The following TNKS variants were observed in gnomAD, a reference collection of about 807,000 sequenced individuals.
TNKS encodes tankyrase, also known as poly [ADP-ribose] polymerase tankyrase-1.
TNKS carries 72 observed loss-of-function variants against 135.8 expected under a neutral mutation model. The observed-to-expected ratio is 0.53, with a 90% CI of 0.44 to 0.64. TNKS has a LOEUF of 0.64. Ranked by LOEUF, TNKS falls within the 30% of genes least tolerant of loss-of-function variation. The pLI is 0.00. For missense variants in TNKS, 1,769 were observed against 1,674.0 expected (o/e 1.06, Z -0.99); for synonymous variants, 849 against 649.3 (o/e 1.31, Z -4.68).
In TNKS at chr8:9,780,088, A is replaced by T. The variant is rs762771200; in HGVS notation, c.*3352A>T. ...TATTGTATCCGTTTTACAAAAAATA[A>T]AATTTTGATATATGCCGGAGAACGG... On this transcript the variant is annotated 3_prime_UTR_variant, in exon 27 of 27. Transcript: ENST00000310430. 14 of 152,228 alleles carry T rather than the reference A, an allele frequency of 9.2e-5. No homozygotes were observed. The highest frequency in any genetic ancestry group is 1.9e-4 in the Non-Finnish European group (13 of 68,052). The allele number at this position is 152,228 out of a possible 1,614,324, so 9.4% of individuals were successfully genotyped here.
chr8:9,682,644 C>T (rs927126976), intron 5 of TNKS, among the ~76,000 whole-genome samples: 1 of 151,952 alleles, frequency 6.6e-6, no homozygotes, highest in African/African-American at 2.4e-5. Context: ...GCACCAGGAC[C>T]AAGGCTGGCA....
chr8:9,639,648 T>C (rs1800650085), intron 3 of TNKS, among the ~76,000 whole-genome samples: 1 of 152,168 alleles, frequency 6.6e-6, no homozygotes, highest in Admixed American at 6.5e-5. Context: ...CTTTTGTATT[T>C]ATCCCTGACT....
chr8:9,581,302 A>G (rs1199845236), intron 2 of TNKS, among the ~76,000 whole-genome samples: 1 of 152,204 alleles, frequency 6.6e-6, no homozygotes, highest in Non-Finnish European at 1.5e-5. Flanking sequence ...GCCTGATATA[A>G]AACTATTTTT....
intron 25 of TNKS, among the ~76,000 whole-genome samples, chr8:9,767,268 T>C (rs928259211): frequency 3.3e-5 from 5 of 152,132 alleles, no homozygotes; most frequent in African/African-American, 9.7e-5. Context: ...AACTCAAAAA[T>C]TGGAGAGAAT....
At chr8:9,678,539 G>C (rs960998380) in intron 3 of TNKS, among the ~76,000 whole-genome samples, 5 of 152,120 alleles carry the variant, frequency 3.3e-5, no homozygotes, top group African/African-American at 7.2e-5. Context: ...TCTTTTAAGA[G>C]AAAATAGGTA....
At chr8:9,607,620 G>A (rs911320719) in intron 2 of TNKS, among the ~76,000 whole-genome samples, 13 of 151,976 alleles carry the variant, frequency 8.6e-5, no homozygotes, top group African/African-American at 2.7e-4. Context: ...TCCATTTGTC[G>A]TATCAAAAAT....
chr8:9,692,362 G>A (rs1803316457), intron 5 of TNKS, among the ~76,000 whole-genome samples: 1 of 152,168 alleles, frequency 6.6e-6, no homozygotes, highest in South Asian at 2.1e-4. Context: ...TCGCTGTAAA[G>A]GTTCTGTGTC....
At chr8:9,642,410 T>C (rs1436573448) in intron 3 of TNKS, among the ~76,000 whole-genome samples, 3 of 146,586 alleles carry the variant, frequency 2.0e-5, no homozygotes, top group African/African-American at 7.6e-5. Context: ...AACAGTTTTC[T>C]ACTTTTGTCA....
intron 11 of TNKS, among the ~76,000 whole-genome samples, chr8:9,714,493 AT>A (rs1276283169): frequency 6.6e-6 from 1 of 152,182 alleles, no homozygotes; most frequent in East Asian, 1.9e-4. Context: ...TCTAAATTTT[AT>A]AAGACACATA....
intron 1 of TNKS, among the ~76,000 whole-genome samples, chr8:9,576,248 G>T (rs1447386540): frequency 6.6e-6 from 1 of 152,152 alleles, no homozygotes; most frequent in Admixed American, 6.5e-5. Flanking sequence ...CTGTTGGCCA[G>T]TGTATTAGTC....
At chr8:9,667,030 G>C (rs971472130) in intron 3 of TNKS, among the ~76,000 whole-genome samples, 1 of 151,966 alleles carries the variant, frequency 6.6e-6, no homozygotes, top group Non-Finnish European at 1.5e-5. Context: ...TGAGTGTTCC[G>C]ATTTTTATGG....
chr8:9,575,861 C>G (rs1797926588), intron 1 of TNKS, among the ~76,000 whole-genome samples: 1 of 152,140 alleles, frequency 6.6e-6, no homozygotes, highest in South Asian at 2.1e-4. Context: ...ATTTATTTTC[C>G]TGCTTGATAA....
intron 11 of TNKS, among the ~76,000 whole-genome samples, chr8:9,718,357 C>G (rs1357634027): frequency 1.3e-5 from 2 of 152,056 alleles, no homozygotes; most frequent in African/African-American, 4.8e-5. Flanking sequence ...TGATTAATTA[C>G]CAAATGAGTG....
In TNKS at chr8:9,672,708, ACAC is replaced by A. The variant is rs1328461767; in HGVS notation, c.995-7242_995-7240del. 3.9e-3 allele frequency among the ~76,000 whole-genome samples: 465 copies of A among 120,202 alleles called. 1 individual carries two copies. Among genetic ancestry groups the A allele is most frequent in the African/African-American group, 0.013 (425 of 33,154 alleles). 78.9% of individuals were successfully genotyped at this position (120,202 alleles called of 152,430 possible). A position where few individuals can be genotyped will look rare whatever the true frequency, so the allele number is the denominator to read the frequency against. On this transcript the variant is annotated intron_variant, in intron 3 of 26. Transcript: ENST00000310430. ...CACACACACACACACACACACACAC[ACAC>A]AAAAAAAAAAAAACAAACTAATATC...
intron 13 of TNKS, 94 bp downstream of exon 13, chr8:9,726,814 C>T (rs1805185451): frequency 1.0e-6 from 1 of 999,040 alleles, no homozygotes; most frequent in Non-Finnish European, 1.5e-6. Context: ...CAAATACAAA[C>T]AGTAAAAAGG....
chr8:9,719,057 T>G (rs1192253892), intron 11 of TNKS, among the ~76,000 whole-genome samples: 2 of 152,214 alleles, frequency 1.3e-5, no homozygotes, highest in African/African-American at 2.4e-5. Context: ...TCAAGTTAGT[T>G]TGGTAGCTTG....
intron 12 of TNKS, among the ~76,000 whole-genome samples, chr8:9,720,806 A>G (rs2128812740): frequency 6.6e-6 from 1 of 152,210 alleles, no homozygotes; most frequent in South Asian, 2.1e-4. Context: ...GTGACTTAAA[A>G]CTCATATAAA....
Position 9,641,741 on chromosome 8 carries a change from T to G in TNKS, c.994+26064T>G, listed in dbSNP as rs1182351171. Among the ~76,000 whole-genome samples the G allele has an allele frequency of 2.1e-5, 3 of 145,028 alleles. No individual in the cohort carries two copies. In the East Asian group the frequency reaches 6.4e-4, roughly 31 times the overall value. On this transcript the variant is annotated intron_variant, in intron 3 of 26. Transcript: ENST00000310430. The stretch of plus-strand genomic sequence containing the variant: ...TAATGATTTACATAGAACCACCTGA[T>G]GGCCAGTTATGATGATATATTATGT...
At chr8:9,730,860 G>T in intron 13 of TNKS, 30 bp from the exon 14 acceptor site, 2 of 1,596,248 alleles carry the variant, frequency 1.3e-6, no homozygotes, top group Non-Finnish European at 1.7e-6. Context: ...TGTTCGTTTT[G>T]TGTTTGTCTT....
Sources: gnomAD v4.1 joint callset for allele counts (sites outside exome capture counted in the v4.1 genomes callset) on GRCh38, gnomAD v4.1.1 for gene constraint, MANE v1.5 for transcripts, NCBI Gene and HGNC (gene_info 2026-07-23, HGNC 2026-07-21) for gene names.